The following CAPN12 variants were observed in gnomAD, a reference collection of about 807,000 sequenced individuals.
CAPN12 encodes calpain-12.
In CAPN12, 107 loss-of-function variants were observed where a neutral mutation model predicts 95.0. The ratio of observed to expected loss-of-function variants is 1.13; its 90% CI spans 0.96 to 1.32. The LOEUF (loss-of-function observed/expected upper bound fraction) is 1.32, where lower values mean the gene tolerates loss of function less well. CAPN12 is among the 40% of genes most tolerant of loss of function. The pLI is 0.00. For synonymous variants in CAPN12, 505 were observed against 415.5 expected (o/e 1.22, Z -2.62); for missense variants, 1,136 against 997.8 (o/e 1.14, Z -1.87).
At position 38,744,244 on chromosome 19, in the gene CAPN12, G is replaced by A. The variant is rs1432865620; in HGVS notation, c.-79C>T. 7.5e-7 allele frequency: 1 copy of A among 1,336,798 alleles called. No homozygotes were observed. The highest frequency in any genetic ancestry group is 1.1e-6 in the Non-Finnish European group (1 of 938,618). The allele number at this position is 1,336,798 out of a possible 1,614,324, so 82.8% of individuals were successfully genotyped here. On this transcript the variant is annotated 5_prime_UTR_variant, in exon 1 of 21. Coordinates refer to ENST00000328867, the MANE Select transcript of CAPN12 (RefSeq NM_144691.4). ...GGGGCGGGGCCTCTCTTCCATTGGA[G>A]CCCCAGTGGGGTCTTTAGGCAATGA...
At position 38,735,408 on chromosome 19, in the gene CAPN12, G is replaced by C. The variant is rs759349243; in HGVS notation, c.1648C>G (p.Leu550Val). ...SLQGPYLPLE[L>V]GLEQLFQELA... ...TCCTGAAACAGCTGCTCCAACCCCA[G>C]CTCCAGGGGCAGGTAGGGGCCCTGC... Residue 550 changes from leucine (L) to valine (V), a missense_variant, in exon 14 of 21, where the codon CTG (leucine) becomes GTG (valine). Coordinates refer to ENST00000328867, the MANE Select transcript of CAPN12 (RefSeq NM_144691.4). 6 of 1,609,322 alleles carry C rather than the reference G, an allele frequency of 3.7e-6. No homozygotes were observed. The South Asian group carries it at 6.6e-5, about 18-fold the overall frequency.
At chr19:38,735,089 T>G (rs1479145989) in intron 14 of CAPN12, 1 of 597,020 alleles carries the variant, frequency 1.7e-6, no homozygotes, top group East Asian at 2.8e-5. Flanking sequence ...GGCAGGGGGG[T>G]GGTCAGGGAG....
intron 18 of CAPN12, among the ~76,000 whole-genome samples, chr19:38,732,882 C>T (rs990125273): frequency 1.3e-5 from 2 of 152,214 alleles, no homozygotes; most frequent in African/African-American, 4.8e-5. Context: ...TGTACTGTCT[C>T]ATCTGCCTTG....
chr19:38,734,733 T>A, intron 15 of CAPN12, 80 bp downstream of exon 15: 1 of 1,361,884 alleles, frequency 7.3e-7, no homozygotes, highest in South Asian at 1.3e-5. Context: ...GGTGGGTTCA[T>A]AGACATAGGG....
intron 10 of CAPN12, 152 bp from the exon 11 acceptor site, chr19:38,736,715 A>C (rs1463154579): frequency 1.0e-6 from 1 of 977,494 alleles, no homozygotes; most frequent in South Asian, 1.8e-5. Context: ...TCCCCGACCC[A>C]GGCCCTCGCC....
chr19:38,741,848 C>A lies in CAPN12; in HGVS notation c.489G>T (p.Gly163=). 6.2e-7 allele frequency: 1 copy of A among 1,614,102 alleles called. No homozygotes were observed. The highest frequency in any genetic ancestry group is 8.5e-7 in the Non-Finnish European group (1 of 1,180,040). Residue 163 remains glycine (G), a synonymous_variant, in exon 4 of 21, where the codon GGG becomes GGT. Coordinates refer to ENST00000328867, the MANE Select transcript of CAPN12 (RefSeq NM_144691.4). ...GTTCCGAGCGCACGAACATCAGCTT[C>A]CCCTCACGCACGGGCAGCCTGTCAT... ...VVDDRLPVRE[G]KLMFVRSEQR... is the part of the protein sequence containing the mutation.
intron 11 of CAPN12, 77 bp from the exon 12 acceptor site, chr19:38,736,395 C>G (rs528301467): frequency 2.7e-6 from 4 of 1,493,050 alleles, no homozygotes; most frequent in Middle Eastern, 2.4e-4. Flanking sequence ...CGCGCCCCGT[C>G]CACCCTGCCT....
Position 38,736,129 on chromosome 19 carries a change from CGGA to C in CAPN12, c.1561_1563del (p.Ser521del), listed in dbSNP as rs1568779883. 2 of 1,506,166 alleles carry C rather than the reference CGGA, an allele frequency of 1.3e-6. No individual in the cohort carries two copies. The highest frequency in any genetic ancestry group is 8.8e-7 in the Non-Finnish European group (1 of 1,130,714). The allele number at this position is 1,506,166 out of a possible 1,614,324, so 93.3% of individuals were successfully genotyped here. ...GCTCACACGGCCGTGTGGCGGCGCT[CGGA>C]GAAGACACGCAGAGTGAAGTCAGCC... On this transcript the variant is annotated inframe_deletion, in exon 12 of 21. Transcript: ENST00000328867.
At chr19:38,740,331 T>C (rs2145249385) in intron 4 of CAPN12, 112 bp from the exon 5 acceptor site, 2 of 1,181,458 alleles carry the variant, frequency 1.7e-6, no homozygotes, top group South Asian at 3.3e-5. Flanking sequence ...CCAGGGGAAA[T>C]TCCTGAAGTT....
chr19:38,733,867 C>T (rs544109566), intron 17 of CAPN12, 86 bp from the exon 18 acceptor site: 4 of 1,143,780 alleles, frequency 3.5e-6, no homozygotes, highest in Non-Finnish European at 5.2e-6. Context: ...AGCCTGGTGC[C>T]CATCCCAACT....
chr19:38,736,571 A>C lies in CAPN12; in HGVS notation c.1363-8T>G, dbSNP rs759874440. The C allele has an allele frequency of 5.1e-6, 8 of 1,562,478 alleles. No individual in the cohort carries two copies. In the Admixed American group the frequency reaches 7.3e-5, roughly 14 times the overall value. ...ACTCACCTCCTCTGGAATCTGAAAGAAGCAAGAGCAAGGGGCGTCGGGGCA... is the reference window on the plus strand; with the variant it reads ...ACTCACCTCCTCTGGAATCTGAAAGCAGCAAGAGCAAGGGGCGTCGGGGCA... On this transcript the variant is annotated splice_region_variant and splice_polypyrimidine_tract_variant and intron_variant, in intron 10 of 20. Coordinates refer to ENST00000328867, the MANE Select transcript of CAPN12 (RefSeq NM_144691.4).
intron 4 of CAPN12, among the ~76,000 whole-genome samples, chr19:38,741,006 TG>T (rs1395259559): frequency 6.6e-6 from 1 of 151,964 alleles, no homozygotes; most frequent in Non-Finnish European, 1.5e-5. Flanking sequence ...ATCATCCCTA[TG>T]GGGGCTTGTC....
intron 1 of CAPN12, among the ~76,000 whole-genome samples, chr19:38,743,638 C>T (rs1171616716): frequency 1.4e-5 from 2 of 146,828 alleles, no homozygotes; most frequent in African/African-American, 2.5e-5. Flanking sequence ...CCTCTCCTCC[C>T]TCAGATCCAG....
At chr19:38,736,367 C>T in intron 11 of CAPN12, 49 bp from the exon 12 acceptor site, 1 of 1,465,282 alleles carries the variant, frequency 6.8e-7, no homozygotes, top group Non-Finnish European at 9.1e-7. Context: ...CCCGGCCCTT[C>T]ATCCCCGCAC....
chr19:38,738,617 C>T lies in CAPN12; in HGVS notation c.761G>A (p.Gly254Asp). 1 of 1,614,044 alleles carries T rather than the reference C, an allele frequency of 6.2e-7. No homozygotes were observed. Among genetic ancestry groups the T allele is most frequent in the South Asian group, 1.1e-5 (1 of 91,084 alleles). ...GGAATACGCGTGTCCCTTTACCAGG[C>T]CCTCTTCTGTGCGGTACTCACCCCG... ...SDRGEYRTEE[G>D]LVKGHAYSIT... Residue 254 changes from glycine to aspartate, a missense_variant, in exon 6 of 21, where the codon GGC (glycine) becomes GAC (aspartate). Gly to Asp is a moderately conservative substitution (Grantham distance 94). Coordinates refer to ENST00000328867, the MANE Select transcript of CAPN12 (RefSeq NM_144691.4).
At chr19:38,735,044 G>A (rs1420416122) in intron 14 of CAPN12, 174 bp from the exon 15 acceptor site, 2 of 641,340 alleles carry the variant, frequency 3.1e-6, no homozygotes, top group African/African-American at 1.8e-5. Flanking sequence ...GCACTGGGCT[G>A]TGGTTGCTGG....
In CAPN12 at chr19:38,737,214, C is replaced by T. The variant is rs1212240650; in HGVS notation, c.1304G>A (p.Arg435Gln). The change falls in exon 10 of 21, where the codon CGG becomes CAG. Residue 435 changes from arginine to glutamine, a missense_variant. Coordinates refer to ENST00000328867, the MANE Select transcript of CAPN12 (RefSeq NM_144691.4). Reference protein sequence around the residue: ...TVLLSLIQRNRRRLRAKGLTY... With the variant: ...TVLLSLIQRNQRRLRAKGLTY... ...GAGGCCCTTGGCTCTCAGGCGCCGC[C>T]GGTTGCGCTGGATGAGGGACAGAAG... The T allele has an allele frequency of 3.2e-6, 5 of 1,550,794 alleles. No individual in the cohort carries two copies. In the South Asian group the frequency reaches 3.6e-5, roughly 11 times the overall value.
chr19:38,733,851 C>T (rs1969814615), intron 17 of CAPN12, 70 bp from the exon 18 acceptor site: 3 of 1,327,686 alleles, frequency 2.3e-6, no homozygotes. Flanking sequence ...GCCTCCCAGG[C>T]AAGACAGCCT....
chr19:38,736,686 T>C (rs1443430628), intron 10 of CAPN12, 123 bp from the exon 11 acceptor site: 8 of 1,213,482 alleles, frequency 6.6e-6, no homozygotes, highest in Non-Finnish European at 9.0e-6. Context: ...TAGACCCTTA[T>C]TGAACCTTTG....
Sources: allele counts gnomAD v4.1 joint callset (sites outside exome capture counted in the v4.1 genomes callset), GRCh38; gene constraint gnomAD v4.1.1; transcripts MANE v1.5; gene names NCBI Gene and HGNC (gene_info 2026-07-23, HGNC 2026-07-21).